The following FEZ2 variants were observed in gnomAD, a reference collection of about 807,000 sequenced individuals.
FEZ2 encodes fasciculation and elongation protein zeta-2.
A neutral mutation model predicts 40.4 loss-of-function variants in FEZ2; 51 were observed. The ratio of observed to expected loss-of-function variants is 1.26; its 90% confidence interval spans 1.01 to 1.59. The LOEUF is 1.59. FEZ2 is among the 40% of genes most tolerant of loss of function. The pLI is 0.00. For missense variants in FEZ2, 640 were observed against 438.3 expected (o/e 1.46, Z -4.11); for synonymous variants, 242 against 172.0 (o/e 1.41, Z -3.18).
intron 5 of FEZ2, among the ~76,000 whole-genome samples, chr2:36,559,817 G>A (rs1573000877): frequency 6.6e-6 from 1 of 152,206 alleles, no homozygotes; most frequent in East Asian, 1.9e-4. Context: ...TTCTTTTGAG[G>A]TTGAGAGAGG....
At chr2:36,572,017 GAAAAAAAA>G (rs34787798) in intron 5 of FEZ2, among the ~76,000 whole-genome samples, 3 of 110,110 alleles carry the variant, frequency 2.7e-5, no homozygotes, top group Non-Finnish European at 4.0e-5. Context: ...TCCGTCTCAG[GAAAAAAAA>G]AAAAAAAAAA....
Position 36,583,569 on chromosome 2 carries a change from G to C in FEZ2, c.376-100C>G, listed in dbSNP as rs1289144922. ...GGCTGCAGAGAAAAGCAACTACTAA[G>C]AGCCTTCCCTCAAGAGGGAGAAATT... On this transcript the variant is annotated intron_variant, in intron 2 of 7. Transcript: ENST00000405912. The C allele has an allele frequency of 2.7e-5, 18 of 678,858 alleles. No individual in the cohort carries two copies. In the South Asian group the frequency reaches 2.8e-4, roughly 11 times the overall value. The allele number at this position is 678,858 out of a possible 1,614,324, so 42.1% of individuals were successfully genotyped here. A position where few individuals can be genotyped will look rare whatever the true frequency, so the allele number is the denominator to read the frequency against.
At chr2:36,574,233 ATTCAAACACAGCTCT>A (rs1668499627) in intron 5 of FEZ2, among the ~76,000 whole-genome samples, 1 of 152,224 alleles carries the variant, frequency 6.6e-6, no homozygotes, top group Non-Finnish European at 1.5e-5. Context: ...TAGGACGAAG[ATTCAAACACAGCTCT>A]TAACCCAAAG....
intron 2 of FEZ2, among the ~76,000 whole-genome samples, chr2:36,585,036 C>T (rs2125238303): frequency 6.6e-6 from 1 of 152,132 alleles, no homozygotes; most frequent in African/African-American, 2.4e-5. Flanking sequence ...TGGCCATGAC[C>T]TTCAACACAG....
At position 36,578,578 on chromosome 2, in the gene FEZ2, C is replaced by T; in HGVS notation, c.903+19G>A. 1 of 1,601,212 alleles carries T rather than the reference C, an allele frequency of 6.2e-7. No homozygotes were observed. The highest frequency in any genetic ancestry group is 8.5e-7 in the Non-Finnish European group (1 of 1,174,660). On this transcript the variant is annotated intron_variant, in intron 5 of 7. Transcript: ENST00000405912. Reference sequence around the variant, plus strand: ...AACCTGTTTCCAGTGTTCGACGCCTCCTGCAAAACATCACTTACTGTGCCG... The same window carrying T: ...AACCTGTTTCCAGTGTTCGACGCCTTCTGCAAAACATCACTTACTGTGCCG...
chr2:36,594,457 A>ATG (rs1669155657), intron 1 of FEZ2: 1 of 202,644 alleles, frequency 4.9e-6, no homozygotes, highest in Admixed American at 5.7e-5. Flanking sequence ...GGCAGGAGGC[A>ATG]AAAGGCACTT....
intron 5 of FEZ2, among the ~76,000 whole-genome samples, chr2:36,570,877 A>C (rs1668389834): frequency 6.6e-6 from 1 of 152,200 alleles, no homozygotes; most frequent in Non-Finnish European, 1.5e-5. Context: ...AAATATCACT[A>C]TGTGGCACAA....
intron 7 of FEZ2, 143 bp downstream of exon 7, chr2:36,555,540 A>G (rs1016427813): frequency 1.5e-5 from 7 of 476,024 alleles, no homozygotes; most frequent in Non-Finnish European, 2.3e-5. Context: ...GAAGTCAGTC[A>G]TGTAGCTAAT....
intron 5 of FEZ2, among the ~76,000 whole-genome samples, chr2:36,576,313 G>A (rs961090144): frequency 5.3e-5 from 8 of 151,260 alleles, no homozygotes; most frequent in South Asian, 2.1e-4. Flanking sequence ...TCTGTTGCCC[G>A]GGCTGGAGTA....
chr2:36,579,923 G>A (rs1377700913), intron 4 of FEZ2, among the ~76,000 whole-genome samples: 1 of 152,102 alleles, frequency 6.6e-6, no homozygotes, highest in Non-Finnish European at 1.5e-5. Context: ...GGTTAAATGA[G>A]GGCATCAGGA....
At chr2:36,581,012 C>A (rs1241095296) in intron 4 of FEZ2, among the ~76,000 whole-genome samples, 4 of 152,068 alleles carry the variant, frequency 2.6e-5, no homozygotes, top group Non-Finnish European at 4.4e-5. Context: ...ATTAGCCAGG[C>A]GTGGTGGCGG....
At chr2:36,573,870 G>A (rs72868463) in intron 5 of FEZ2, among the ~76,000 whole-genome samples, 100 of 152,308 alleles carry the variant, frequency 6.6e-4, no homozygotes, top group African/African-American at 2.3e-3. Context: ...GGGAGGTGTG[G>A]GAAAATGGTC....
At chr2:36,583,887 T>C (rs1296853566) in intron 2 of FEZ2, 1 of 162,212 alleles carries the variant, frequency 6.2e-6, no homozygotes, top group Non-Finnish European at 1.3e-5. Context: ...GAGTAAAAGA[T>C]GATCAACTCC....
Position 36,597,943 on chromosome 2 carries a change from G to C in FEZ2, c.200C>G (p.Pro67Arg), listed in dbSNP as rs951249860. The C allele has an allele frequency of 2.8e-6, 4 of 1,449,466 alleles. No individual in the cohort carries two copies. The highest frequency in any genetic ancestry group is 2.4e-4 in the Middle Eastern group (1 of 4,178). 89.8% of individuals were successfully genotyped at this position (1,449,466 alleles called of 1,614,324 possible). A position where few individuals can be genotyped will look rare whatever the true frequency, so the allele number is the denominator to read the frequency against. The change falls in exon 1 of 8, where the codon CCG becomes CGG. Residue 67 changes from proline (P) to arginine (R), a missense_variant. Coordinates refer to ENST00000405912, the MANE Select transcript of FEZ2 (RefSeq NM_005102.3). ...GGCCGTCCTCGGGGGCTCGGCGCCC[G>C]GATCCGAGGGGCGGAAGCACAGGCT... ...KLSLCFRPSD[P>R]GAEPPRTAVR...
chr2:36,582,831 T>C (rs777600557), intron 3 of FEZ2, among the ~76,000 whole-genome samples: 1 of 152,034 alleles, frequency 6.6e-6, no homozygotes, highest in Non-Finnish European at 1.5e-5. Flanking sequence ...ACAACAGAGG[T>C]GGGAAGAGTA....
intron 2 of FEZ2, among the ~76,000 whole-genome samples, chr2:36,584,794 G>C (rs542192973): frequency 6.6e-6 from 1 of 152,290 alleles, no homozygotes; most frequent in African/African-American, 2.4e-5. Context: ...TTCATAACAT[G>C]AGCATCTGAA....
intron 2 of FEZ2, among the ~76,000 whole-genome samples, chr2:36,584,818 C>T (rs930059076): frequency 3.9e-5 from 6 of 152,184 alleles, no homozygotes; most frequent in African/African-American, 1.4e-4. Flanking sequence ...TGCAGGTGAA[C>T]ACAGCCTACA....
chr2:36,585,065 C>A (rs983430657), intron 2 of FEZ2, among the ~76,000 whole-genome samples: 1 of 151,712 alleles, frequency 6.6e-6, no homozygotes, highest in Non-Finnish European at 1.5e-5. Flanking sequence ...ACTAAGAACA[C>A]TGTGTGGAAA....
At chr2:36,553,296 C>T (rs1007022458) in intron 7 of FEZ2, 117 bp from the exon 8 acceptor site, 1 of 794,506 alleles carries the variant, frequency 1.3e-6, no homozygotes, top group Non-Finnish European at 2.1e-6. Context: ...AATGTTAATG[C>T]AAAGATCTAT....
Sources: gnomAD v4.1 joint callset for allele counts (sites outside exome capture counted in the v4.1 genomes callset) on GRCh38, gnomAD v4.1.1 for gene constraint, MANE v1.5 for transcripts, NCBI Gene and HGNC (gene_info 2026-07-23, HGNC 2026-07-21) for gene names.